SAMD12: variants seen among roughly 807,000 people sequenced by gnomAD.
SAMD12 encodes the protein sterile alpha motif domain-containing protein 12.
A neutral mutation model predicts 15.0 loss-of-function variants in SAMD12; 9 were observed. The observed-to-expected ratio is 0.60, with a 90% CI of 0.36 to 1.05. The LOEUF is 1.05. SAMD12 is among the 50% of genes least tolerant of loss of function. SAMD12 has a pLI of 0.01. For synonymous variants in SAMD12, 86 were observed against 90.1 expected, an observed-to-expected ratio of 0.96 and a Z score of 0.25; for missense variants, 230 against 234.2, an observed-to-expected ratio of 0.98 and a Z score of 0.12.
intron 2 of SAMD12, among the ~76,000 whole-genome samples, chr8:118,561,412 C>T (rs777582173): frequency 1.3e-5 from 2 of 152,078 alleles, no homozygotes; most frequent in Non-Finnish European, 2.9e-5. Context: ...TTTGTCCATT[C>T]TCATATTCTC....
At chr8:118,166,244 A>G in the SAMD12 span, among the ~76,000 whole-genome samples, 3 of 152,234 alleles carry the variant, frequency 2.0e-5, no homozygotes, top group Non-Finnish European at 2.9e-5. Flanking sequence ...CAAGATTATC[A>G]GTGCAACTTA....
At chr8:118,346,742 G>T (rs1468707413) in intron 4 of SAMD12, among the ~76,000 whole-genome samples, 1 of 152,186 alleles carries the variant, frequency 6.6e-6, no homozygotes, top group Non-Finnish European at 1.5e-5. Context: ...TCAACAAAGG[G>T]AAAAGGCACC....
intron 2 of SAMD12, among the ~76,000 whole-genome samples, chr8:118,528,729 C>T (rs1563910844): frequency 6.6e-6 from 1 of 152,196 alleles, no homozygotes. Context: ...CAGACTTTGA[C>T]ATTCTGCTAT....
intron 4 of SAMD12, among the ~76,000 whole-genome samples, chr8:118,295,458 C>A (rs1053919069): frequency 3.3e-5 from 5 of 152,100 alleles, no homozygotes; most frequent in Admixed American, 1.3e-4. Flanking sequence ...ACATTCAAAT[C>A]TGAAACATCA....
the SAMD12 span, among the ~76,000 whole-genome samples, chr8:118,131,892 C>T: frequency 6.6e-6 from 1 of 152,214 alleles, no homozygotes; most frequent in South Asian, 2.1e-4. Flanking sequence ...AATTCCGGTT[C>T]TGAAAATTTA....
At chr8:118,274,613 A>T (rs1813431955) in intron 4 of SAMD12, among the ~76,000 whole-genome samples, 2 of 152,082 alleles carry the variant, frequency 1.3e-5, no homozygotes, top group Non-Finnish European at 2.9e-5. Context: ...TGTGTTAATG[A>T]TTTACTTTTC....
In SAMD12 at chr8:118,538,755, G is replaced by T. The variant is rs915075539; in HGVS notation, c.192+41960C>A. On this transcript the variant is annotated intron_variant, in intron 2 of 3. Coordinates refer to ENST00000314727, the MANE Select transcript of SAMD12 (RefSeq NM_207506.3). ...TCACTTTACTTTTGGTTCCTACGAA[G>T]GTGCTCTTTGTGTGGACAGTTGTTT... Among the ~76,000 whole-genome samples, 29 of 152,156 alleles carry T rather than the reference G, an allele frequency of 1.9e-4. 1 individual carries two copies. The highest frequency in any genetic ancestry group is 1.7e-3 in the Admixed American group (26 of 15,260).
chr8:118,348,483 T>C (rs1817782850), intron 4 of SAMD12, among the ~76,000 whole-genome samples: 2 of 151,912 alleles, frequency 1.3e-5, no homozygotes, highest in African/African-American at 4.8e-5. Flanking sequence ...GCCATTCTCC[T>C]GCCTCAGCCT....
At chr8:118,190,638 GGGAAA>G (rs1481885137) in exon 5 of SAMD12, 3 of 152,094 alleles carry the variant, frequency 2.0e-5, no homozygotes, top group Non-Finnish European at 4.4e-5. Flanking sequence ...CCTCAAGTAA[GGGAAA>G]GGAATCATTG....
At chr8:118,184,936 C>CT (rs1490788317), downstream of SAMD12, among the ~76,000 whole-genome samples, 1 of 142,536 alleles carries the variant, frequency 7.0e-6, no homozygotes, top group African/African-American at 2.6e-5. Flanking sequence ...TGAAAGACTT[C>CT]TTTTTTCCTG....
At chr8:118,132,046 T>C in the SAMD12 span, among the ~76,000 whole-genome samples, 2 of 152,228 alleles carry the variant, frequency 1.3e-5, no homozygotes, top group African/African-American at 4.8e-5. Context: ...TTTCCACATA[T>C]ACACTTACAA....
At chr8:118,287,780 G>C (rs1814131348) in intron 4 of SAMD12, among the ~76,000 whole-genome samples, 1 of 152,162 alleles carries the variant, frequency 6.6e-6, no homozygotes, top group South Asian at 2.1e-4. Context: ...TTGCCCCAGG[G>C]AGATATTGGC....
chr8:118,366,873 A>AAATAAAATAAAATAAAAT (rs1563799974), intron 4 of SAMD12, among the ~76,000 whole-genome samples: 3 of 126,702 alleles, frequency 2.4e-5, no homozygotes, highest in African/African-American at 6.3e-5. Context: ...AAATAAAATA[A>AAATAAAATAAAATAAAAT]AATAAAATAA....
chr8:118,255,589 G>A (rs1176727943), intron 4 of SAMD12, among the ~76,000 whole-genome samples: 1 of 143,466 alleles, frequency 7.0e-6, no homozygotes, highest in Non-Finnish European at 1.5e-5. Flanking sequence ...CCACCTATGA[G>A]TGAGAACATG....
intron 2 of SAMD12, among the ~76,000 whole-genome samples, chr8:118,451,610 T>C (rs1427672493): frequency 6.6e-6 from 1 of 152,228 alleles, no homozygotes; most frequent in African/African-American, 2.4e-5. Flanking sequence ...AAGAGAGGGC[T>C]GATGGGCCCA....
At chr8:118,152,452 C>CT in the SAMD12 span, among the ~76,000 whole-genome samples, 79 of 87,460 alleles carry the variant, frequency 9.0e-4, 1 homozygote, top group East Asian at 7.6e-3. Context: ...TCCTCCCTCC[C>CT]TCCCTACCTT....
intron 4 of SAMD12, among the ~76,000 whole-genome samples, chr8:118,248,969 AT>A (rs1328242473): frequency 6.6e-6 from 1 of 152,156 alleles, no homozygotes; most frequent in African/African-American, 2.4e-5. Context: ...GTGTGTGTGT[AT>A]TTGTAGAGTC....
intron 2 of SAMD12, among the ~76,000 whole-genome samples, chr8:118,541,740 C>G (rs1825994609): frequency 6.6e-6 from 1 of 152,148 alleles, no homozygotes; most frequent in African/African-American, 2.4e-5. Flanking sequence ...TTACCCATGA[C>G]CAAGTACATA....
intron 4 of SAMD12, among the ~76,000 whole-genome samples, chr8:118,299,753 T>C (rs1814917660): frequency 6.6e-6 from 1 of 152,164 alleles, no homozygotes; most frequent in Non-Finnish European, 1.5e-5. Flanking sequence ...TAGGAGATCT[T>C]AGCAAGAATT....
Sources: gnomAD v4.1 joint callset for allele counts (sites outside exome capture counted in the v4.1 genomes callset) on GRCh38, gnomAD v4.1.1 for gene constraint, MANE v1.5 for transcripts, NCBI Gene and HGNC (gene_info 2026-07-23, HGNC 2026-07-21) for gene names.